The following PHYHIPL variants were observed in gnomAD, a reference collection of about 807,000 sequenced individuals.
The protein encoded by PHYHIPL is phytanoyl-CoA 2-hydroxylase interacting protein like, also known as phytanoyl-CoA hydroxylase-interacting protein-like.
In PHYHIPL, 9 loss-of-function variants were observed where a neutral mutation model predicts 33.4. The ratio of observed to expected loss-of-function variants is 0.27; its 90% CI spans 0.16 to 0.47. The LOEUF (loss-of-function observed/expected upper bound fraction) is 0.47, where lower values mean the gene tolerates loss of function less well. PHYHIPL is among the 20% of genes least tolerant of loss of function. The probability of loss-of-function intolerance (pLI) is 0.99; values close to 1 mark genes in which losing one functional copy is unlikely to be tolerated. For missense variants in PHYHIPL, 365 were observed against 460.7 expected (o/e 0.79, Z 1.90); for synonymous variants, 153 against 154.1 (o/e 0.99, Z 0.05).
chr10:59,204,161 T>C (rs1307977075), intron 1 of PHYHIPL, among the ~76,000 whole-genome samples: 3 of 152,162 alleles, frequency 2.0e-5, no homozygotes, highest in Non-Finnish European at 4.4e-5. Context: ...TAAAGAACTA[T>C]TATAAGTAAA....
At chr10:59,174,832 C>A (rs1028964502), upstream of PHYHIPL, among the ~76,000 whole-genome samples, 1 of 152,216 alleles carries the variant, frequency 6.6e-6, no homozygotes, top group African/African-American at 2.4e-5. Context: ...TCTTAACACC[C>A]ATCCTACTTT....
At chr10:59,244,970 A>ATGTT in intron 4 of PHYHIPL, 87 bp from the exon 5 acceptor site, 1 of 1,374,396 alleles carries the variant, frequency 7.3e-7, no homozygotes, top group Non-Finnish European at 9.8e-7. Context: ...TTAACAGTAG[A>ATGTT]TGTTTGACTT....
intron 3 of PHYHIPL, among the ~76,000 whole-genome samples, chr10:59,237,766 A>G (rs1840269703): frequency 6.6e-6 from 1 of 151,872 alleles, no homozygotes; most frequent in South Asian, 2.1e-4. Context: ...GCTTATCCCA[A>G]TCTTAAAATG....
At chr10:59,185,335 G>A (rs1420900120) in intron 1 of PHYHIPL, among the ~76,000 whole-genome samples, 1 of 152,148 alleles carries the variant, frequency 6.6e-6, no homozygotes, top group Non-Finnish European at 1.5e-5. Context: ...TGGTGTATAT[G>A]TGCCACATTT....
At chr10:59,179,543 G>A (rs1228323144) in intron 1 of PHYHIPL, among the ~76,000 whole-genome samples, 4 of 151,936 alleles carry the variant, frequency 2.6e-5, no homozygotes, top group Non-Finnish European at 4.4e-5. Context: ...ATAGAATAGG[G>A]GAAAGTATAG....
At chr10:59,201,600 A>T (rs551055530) in intron 1 of PHYHIPL, among the ~76,000 whole-genome samples, 1 of 151,708 alleles carries the variant, frequency 6.6e-6, no homozygotes, top group Non-Finnish European at 1.5e-5. Context: ...TGAGTTCAAG[A>T]TCTCTTCAAT....
chr10:59,241,025 A>ATGAT (rs1268556456), intron 4 of PHYHIPL, among the ~76,000 whole-genome samples: 3 of 152,124 alleles, frequency 2.0e-5, no homozygotes, highest in African/African-American at 2.4e-5. Flanking sequence ...GTTTTCCATA[A>ATGAT]TGATAGTTAT....
At chr10:59,196,454 G>T (rs1210936265) in intron 1 of PHYHIPL, among the ~76,000 whole-genome samples, 1 of 136,262 alleles carries the variant, frequency 7.3e-6, no homozygotes, top group African/African-American at 2.8e-5. Flanking sequence ...TTGCTCTGTT[G>T]CCCAGGCTGG....
Position 59,236,618 on chromosome 10 carries a change from G to A in PHYHIPL, c.439G>A (p.Val147Met), listed in dbSNP as rs201429321. Residue 147 changes from valine (V) to methionine (M), a missense_variant, in exon 3 of 5, where the codon GTG becomes ATG. Physicochemically the swap from Val to Met is conservative, Grantham distance 21 (BLOSUM62 1). Transcript: ENST00000373880. ...ASKQVDGDYV[V>M]SEWSEIIEFC... ...AAAACAAGTTGATGGTGATTATGTT[G>A]TGTCTGAATGGAGTGAAATTATAGA... 5.6e-6 allele frequency: 9 copies of A among 1,608,140 alleles called. No homozygotes were observed. The highest frequency in any genetic ancestry group is 7.6e-6 in the Non-Finnish European group (9 of 1,176,932).
intron 1 of PHYHIPL, 172 bp downstream of exon 1, chr10:59,177,131 G>A: frequency 1.6e-6 from 1 of 629,510 alleles, no homozygotes; most frequent in East Asian, 2.9e-5. Context: ...CCTCACCCCA[G>A]AAACAAAAGG....
intron 1 of PHYHIPL, among the ~76,000 whole-genome samples, chr10:59,185,753 T>TA (rs1447156548): frequency 6.6e-6 from 1 of 152,234 alleles, no homozygotes; most frequent in Non-Finnish European, 1.5e-5. Flanking sequence ...GTTGGCTGCG[T>TA]AAATGTCTTC....
chr10:59,245,421 G>T lies in PHYHIPL; in HGVS notation c.961G>T (p.Val321Phe). The T allele has an allele frequency of 6.2e-7, 1 of 1,614,110 alleles. No individual in the cohort carries two copies. The highest frequency in any genetic ancestry group is 8.5e-7 in the Non-Finnish European group (1 of 1,180,008). The change falls in exon 5 of 5, where the codon GTT (valine) becomes TTT (phenylalanine). Residue 321 changes from valine to phenylalanine, a missense_variant. Physicochemically the swap from Val to Phe is conservative, Grantham distance 50 (BLOSUM62 -1). Coordinates refer to ENST00000373880, the MANE Select transcript of PHYHIPL (RefSeq NM_032439.4). Reference sequence around the variant, plus strand: ...CTGTACAGAAGAAGATGGGGTGCTGGTTTACCACCATGCCCAGGATGTCAT... The same window carrying T: ...CTGTACAGAAGAAGATGGGGTGCTGTTTTACCACCATGCCCAGGATGTCAT... ...LTCTEEDGVLVYHHAQDVILE... is the reference protein window; with the variant it reads ...LTCTEEDGVLFYHHAQDVILE...
At chr10:59,242,037 A>G (rs982918310) in intron 4 of PHYHIPL, among the ~76,000 whole-genome samples, 1 of 152,172 alleles carries the variant, frequency 6.6e-6, no homozygotes, top group Non-Finnish European at 1.5e-5. Context: ...GTAGTCCCTC[A>G]TGTACCAGCC....
chr10:59,219,180 T>C lies in PHYHIPL; in HGVS notation c.107-15124T>C, dbSNP rs918837446. 1.7e-5 allele frequency: 14 copies of C among 816,558 alleles called. No homozygotes were observed. The African/African-American group carries it at 2.6e-4, about 15-fold the overall frequency. The allele number at this position is 816,558 out of a possible 1,614,324, so 50.6% of individuals were successfully genotyped here. A position where few individuals can be genotyped will look rare whatever the true frequency, so the allele number is the denominator to read the frequency against. On this transcript the variant is annotated intron_variant, in intron 1 of 4. Coordinates refer to ENST00000373880, the MANE Select transcript of PHYHIPL (RefSeq NM_032439.4). ...CTTTTTGATGCCTCATAATCATATTTGGATTGTCCTGCATATATTCATAAA... is the reference window on the plus strand; with the variant it reads ...CTTTTTGATGCCTCATAATCATATTCGGATTGTCCTGCATATATTCATAAA...
At chr10:59,200,052 T>C (rs566875280) in intron 1 of PHYHIPL, among the ~76,000 whole-genome samples, 5 of 152,276 alleles carry the variant, frequency 3.3e-5, no homozygotes, top group African/African-American at 1.2e-4. Context: ...CTTTATTTCT[T>C]TCTCTTGCCT....
chr10:59,188,676 ATAGT>A (rs1838691506), intron 1 of PHYHIPL, among the ~76,000 whole-genome samples: 1 of 152,118 alleles, frequency 6.6e-6, no homozygotes, highest in Admixed American at 6.6e-5. Context: ...TAAATTTAGG[ATAGT>A]TAGTTCTTCT....
chr10:59,207,332 A>C (rs1839313586), intron 1 of PHYHIPL, among the ~76,000 whole-genome samples: 1 of 152,160 alleles, frequency 6.6e-6, no homozygotes, highest in South Asian at 2.1e-4. Context: ...GGGGTCAGGC[A>C]ACTCCCTCCC....
At position 59,176,784 on chromosome 10, in the gene PHYHIPL, C is replaced by T. The variant is rs970119510; in HGVS notation, c.-70C>T. The T allele has an allele frequency of 2.8e-6, 4 of 1,416,712 alleles. No homozygotes were observed. In the African/African-American group the frequency reaches 5.7e-5, roughly 20 times the overall value. 87.8% of individuals were successfully genotyped at this position (1,416,712 alleles called of 1,614,324 possible). A position where few individuals can be genotyped will look rare whatever the true frequency, so the allele number is the denominator to read the frequency against. ...TGCCACTCCCCCTCCCTTTCCCGCT[C>T]TTCTTGCCCACCCGGCCGGCAGAGA... On this transcript the variant is annotated 5_prime_UTR_variant, in exon 1 of 5. Coordinates refer to ENST00000373880, the MANE Select transcript of PHYHIPL (RefSeq NM_032439.4).
intron 1 of PHYHIPL, among the ~76,000 whole-genome samples, chr10:59,228,885 C>A (rs1839999031): frequency 6.6e-6 from 1 of 152,006 alleles, no homozygotes; most frequent in Non-Finnish European, 1.5e-5. Flanking sequence ...TTTAGTTTGG[C>A]TTTTATTGTA....
Sources: gnomAD v4.1 joint callset for allele counts (sites outside exome capture counted in the v4.1 genomes callset) on GRCh38, gnomAD v4.1.1 for gene constraint, MANE v1.5 for transcripts, NCBI Gene and HGNC (gene_info 2026-07-23, HGNC 2026-07-21) for gene names.